Variants in CELF2 observed in about 807,000 individuals in gnomAD.
CELF2 encodes the protein CUGBP Elav-like family member 2, also known as CUG triplet repeat RNA-binding protein 2.
A neutral mutation model predicts 62.6 loss-of-function variants in CELF2; 8 were observed. That is an observed-to-expected ratio of 0.13 (90% CI 0.07 to 0.23). CELF2 has a LOEUF of 0.23. Ranked by LOEUF, CELF2 falls within the 10% of genes least tolerant of loss-of-function variation. The pLI, the probability that CELF2 is intolerant of heterozygous loss-of-function variation, is 1.00. For missense variants in CELF2, 333 were observed against 671.0 expected, an observed-to-expected ratio of 0.50 and a Z score of 5.56; for synonymous variants, 258 against 250.0, an observed-to-expected ratio of 1.03 and a Z score of -0.30.
chr10:11,151,087 G>A (rs1213866372), intron 1 of CELF2, among the ~76,000 whole-genome samples: 1 of 152,176 alleles, frequency 6.6e-6, no homozygotes, highest in Non-Finnish European at 1.5e-5. Flanking sequence ...GGTGAGAAAG[G>A]CATGCTGTTT....
chr10:10,767,063 G>A, the CELF2 span, among the ~76,000 whole-genome samples: 2 of 152,008 alleles, frequency 1.3e-5, no homozygotes, highest in Admixed American at 6.6e-5. Context: ...TTCCTTCATC[G>A]CCGTCTTTTG....
the CELF2 span, among the ~76,000 whole-genome samples, chr10:10,717,970 C>T: frequency 6.6e-6 from 1 of 151,942 alleles, no homozygotes; most frequent in Non-Finnish European, 1.5e-5. Flanking sequence ...TGAGCTTATA[C>T]AGTCAAATTA....
Position 11,329,080 on chromosome 10 carries a change from C to A in CELF2, c.*27C>A. On this transcript the variant is annotated 3_prime_UTR_variant, in exon 13 of 13. Transcript: ENST00000633077. This position sits in a 1 kb window ranked among gnomAD's most constrained non-coding sequence, Gnocchi z 5.5. The stretch of plus-strand genomic sequence containing the variant: ...CCTAACCCCAGAGGCTCCCTGCTCT[C>A]ATTTTAGCTTTCTTAGGGTAAGTCC... The A allele has an allele frequency of 6.3e-7, 1 of 1,593,054 alleles. No individual in the cohort carries two copies. The highest frequency in any genetic ancestry group is 1.1e-5 in the South Asian group (1 of 89,678).
chr10:11,113,919 T>G (rs1365101386), intron 1 of CELF2, among the ~76,000 whole-genome samples: 3 of 152,206 alleles, frequency 2.0e-5, no homozygotes, highest in Non-Finnish European at 2.9e-5. Context: ...GCCTCTGCTG[T>G]CAGAAAATGT....
At chr10:10,586,758 A>G in the CELF2 span, among the ~76,000 whole-genome samples, 71,449 of 151,970 alleles carry the variant, frequency 0.47, 17,614 homozygotes, top group East Asian at 0.65. Flanking sequence ...TACAGATCTC[A>G]GAACCCATCT....
the CELF2 span, among the ~76,000 whole-genome samples, chr10:10,687,551 A>G: frequency 5.9e-5 from 9 of 152,172 alleles, no homozygotes; most frequent in Non-Finnish European, 1.0e-4. Context: ...ATTACTTCTT[A>G]ATAACATCAG....
chr10:10,607,181 A>G, the CELF2 span, among the ~76,000 whole-genome samples: 1 of 152,200 alleles, frequency 6.6e-6, no homozygotes, highest in African/African-American at 2.4e-5. Flanking sequence ...TATTCAACGA[A>G]GATTCCACAT....
chr10:10,610,962 G>A, the CELF2 span, among the ~76,000 whole-genome samples: 12 of 152,132 alleles, frequency 7.9e-5, no homozygotes, highest in Non-Finnish European at 1.5e-5. Flanking sequence ...TGTGGCCTGA[G>A]GATTACACTA....
chr10:11,166,327 G>A (rs1302396668), intron 2 of CELF2, among the ~76,000 whole-genome samples: 3 of 152,200 alleles, frequency 2.0e-5, no homozygotes, highest in South Asian at 2.1e-4. Context: ...TCAGTGTGGA[G>A]ATGAAGGTAT....
intron 1 of CELF2, among the ~76,000 whole-genome samples, chr10:10,802,139 C>A (rs1199323075): frequency 1.3e-5 from 2 of 152,116 alleles, no homozygotes; most frequent in African/African-American, 2.4e-5. Context: ...TCTTGGTACA[C>A]AGAAGAAAAA....
At chr10:11,091,588 C>G (rs189898634) in intron 1 of CELF2, among the ~76,000 whole-genome samples, 1 of 152,202 alleles carries the variant, frequency 6.6e-6, no homozygotes, top group Non-Finnish European at 1.5e-5. Flanking sequence ...TGCAGTCAAA[C>G]GAGCATGTTC....
chr10:11,165,340 C>A lies in CELF2; in HGVS notation c.75-146C>A. ...ATGGTGCCTCCGCTTTGTTTTAGTT[C>A]ATCAAATTTCTACGACTCATTAGGC... On this transcript the variant is annotated intron_variant, in intron 1 of 12. Transcript: ENST00000633077. This position sits in a 1 kb window ranked among gnomAD's most constrained non-coding sequence, Gnocchi z 7.4. The A allele has an allele frequency of 4.8e-6, 7 of 1,456,004 alleles. No individual in the cohort carries two copies. Among genetic ancestry groups the A allele is most frequent in the Non-Finnish European group, 5.4e-6 (6 of 1,109,170 alleles). The allele number at this position is 1,456,004 out of a possible 1,614,324, so 90.2% of individuals were successfully genotyped here.
the CELF2 span, among the ~76,000 whole-genome samples, chr10:10,677,872 GATT>G: frequency 6.6e-6 from 1 of 152,166 alleles, no homozygotes; most frequent in Admixed American, 6.5e-5. Flanking sequence ...AGACTAGCCT[GATT>G]ATTTAGGACT....
the CELF2 span, among the ~76,000 whole-genome samples, chr10:10,777,220 T>C: frequency 6.6e-6 from 1 of 152,192 alleles, no homozygotes; most frequent in Non-Finnish European, 1.5e-5. Flanking sequence ...CCTCGCTCGA[T>C]TGATCCCCAC....
Position 11,280,605 on chromosome 10 carries a change from G to A in CELF2, c.841+5485G>A, listed in dbSNP as rs1284307550. 2.0e-5 allele frequency among the ~76,000 whole-genome samples: 3 copies of A among 152,188 alleles called. No homozygotes were observed. Among genetic ancestry groups the A allele is most frequent in the African/African-American group, 4.8e-5 (2 of 41,434 alleles). ...CCAAGACAGTCCCCACGCTCTTCTC[G>A]CCCCGGGTTATTACTGTGGTGTGAC... On this transcript the variant is annotated intron_variant, in intron 8 of 12. Transcript: ENST00000633077. The surrounding 1 kb of genome is among the most constrained non-coding windows in gnomAD (Gnocchi z 7.6).
chr10:11,264,070 T>C (rs1468774502), intron 5 of CELF2, among the ~76,000 whole-genome samples: 4 of 152,304 alleles, frequency 2.6e-5, no homozygotes, highest in Non-Finnish European at 5.9e-5. Context: ...CCAATAGAAT[T>C]AAAAGGTTAA....
At chr10:11,024,471 C>T (rs1413231770) in intron 1 of CELF2, among the ~76,000 whole-genome samples, 6 of 152,096 alleles carry the variant, frequency 3.9e-5, no homozygotes, top group African/African-American at 1.2e-4. Flanking sequence ...CGTGGTTTCG[C>T]ATGCCTCTAG....
chr10:11,163,624 A>G (rs1047339612), intron 1 of CELF2, among the ~76,000 whole-genome samples: 1 of 152,252 alleles, frequency 6.6e-6, no homozygotes, highest in Non-Finnish European at 1.5e-5. Flanking sequence ...ATTCAGCAGA[A>G]CATTTTTTAT....
At chr10:11,281,751 ATATATGTATGT>A (rs1208834350) in intron 8 of CELF2, among the ~76,000 whole-genome samples, 2 of 152,220 alleles carry the variant, frequency 1.3e-5, no homozygotes, top group African/African-American at 4.8e-5. Flanking sequence ...CTCAAAAAAT[ATATATGTATGT>A]TAATTGCCAA....
Sources: allele counts gnomAD v4.1 joint callset (sites outside exome capture counted in the v4.1 genomes callset), GRCh38; gene constraint gnomAD v4.1.1; non-coding constraint Gnocchi (gnomAD v3.1); transcripts MANE v1.5; gene names NCBI Gene and HGNC (gene_info 2026-07-23, HGNC 2026-07-21).